IL1RAPL1: variants seen among roughly 807,000 people sequenced by gnomAD.
IL1RAPL1 encodes interleukin 1 receptor accessory protein like 1, also known as interleukin-1 receptor accessory protein-like 1.
IL1RAPL1 carries 3 observed loss-of-function variants against 48.4 expected under a neutral mutation model. That is an observed-to-expected ratio of 0.06 (90% CI 0.03 to 0.16). The LOEUF (loss-of-function observed/expected upper bound fraction) is 0.16, where lower values mean the gene tolerates loss of function less well. Among genes scored for constraint, IL1RAPL1 ranks in the 10% least tolerant of loss-of-function variants. IL1RAPL1 has a pLI of 1.00. For missense variants in IL1RAPL1, 349 were observed against 530.6 expected (o/e 0.66, Z 3.36); for synonymous variants, 185 against 187.7 (o/e 0.99, Z 0.12).
chrX:28,974,754 C>T (rs1376251141), intron 2 of IL1RAPL1, among the ~76,000 whole-genome samples: 1 of 111,565 alleles, frequency 9.0e-6, no homozygotes, highest in Non-Finnish European at 1.9e-5. Flanking sequence ...TCCTGGAACT[C>T]CCAGGTGTCC....
At chrX:29,643,666 G>A (rs970895503) in intron 5 of IL1RAPL1, among the ~76,000 whole-genome samples, 2 of 111,279 alleles carry the variant, frequency 1.8e-5, no homozygotes, top group African/African-American at 3.3e-5. Context: ...CTATTTGATC[G>A]TATTTCTCAA....
chrX:29,091,653 T>G (rs1239239151), intron 2 of IL1RAPL1, among the ~76,000 whole-genome samples: 1 of 111,309 alleles, frequency 9.0e-6, no homozygotes, highest in East Asian at 2.8e-4. Context: ...AATGAGAGTA[T>G]AGATTTAAAA....
intron 2 of IL1RAPL1, among the ~76,000 whole-genome samples, chrX:29,049,730 T>C (rs1483667863): frequency 8.9e-6 from 1 of 112,559 alleles, no homozygotes; most frequent in East Asian, 2.8e-4. Context: ...TTAATTAAAC[T>C]GATTAACTTT....
intron 2 of IL1RAPL1, among the ~76,000 whole-genome samples, chrX:29,094,824 C>A (rs867693047): frequency 3.6e-4 from 8 of 22,429 alleles, no homozygotes; most frequent in Admixed American, 1.3e-3. Context: ...TAATAGAAAA[C>A]ACACCTAAAA....
At chrX:29,923,494 T>C (rs756473999) in intron 8 of IL1RAPL1, among the ~76,000 whole-genome samples, 1 of 112,665 alleles carries the variant, frequency 8.9e-6, no homozygotes, top group African/African-American at 3.2e-5. Context: ...TCTTCACTCC[T>C]GCCAGAAGCT....
At chrX:28,994,081 T>C (rs5985940) in intron 2 of IL1RAPL1, among the ~76,000 whole-genome samples, 16,044 of 109,749 alleles carry the variant, frequency 0.15, 1,208 homozygotes, top group Non-Finnish European at 0.22. Flanking sequence ...AAAAAAAAAG[T>C]ATGATATGTG....
chrX:29,390,424 C>A (rs1933839354), intron 3 of IL1RAPL1, among the ~76,000 whole-genome samples: 2 of 111,918 alleles, frequency 1.8e-5, no homozygotes, highest in African/African-American at 3.2e-5. Flanking sequence ...AACACAGAGG[C>A]ATAGAACAAC....
At chrX:28,764,375 A>G (rs887031930) in intron 1 of IL1RAPL1, among the ~76,000 whole-genome samples, 6 of 111,417 alleles carry the variant, frequency 5.4e-5, no homozygotes, top group African/African-American at 2.0e-4. Flanking sequence ...TAAGAAATAC[A>G]CCAGCATCTT....
intron 2 of IL1RAPL1, among the ~76,000 whole-genome samples, chrX:29,159,621 A>G (rs927916316): frequency 3.6e-5 from 4 of 112,357 alleles, no homozygotes; most frequent in Non-Finnish European, 7.5e-5. Context: ...TAGCACATCA[A>G]TTGGATAGCC....
At chrX:28,615,079 G>A (rs1043502033) in intron 1 of IL1RAPL1, among the ~76,000 whole-genome samples, 2 of 109,074 alleles carry the variant, frequency 1.8e-5, no homozygotes, top group Non-Finnish European at 3.8e-5. Flanking sequence ...TAGTAGAGAC[G>A]GGGTTTCACT....
chrX:29,518,844 A>G (rs1935474731), intron 5 of IL1RAPL1, among the ~76,000 whole-genome samples: 1 of 112,245 alleles, frequency 8.9e-6, no homozygotes, highest in Non-Finnish European at 1.9e-5. Flanking sequence ...ACTGCTGTAT[A>G]GAAAATAGAC....
Position 28,659,144 on chromosome X carries a change from A to G in IL1RAPL1, c.-25+71097A>G, listed in dbSNP as rs1303841564. The G allele has an allele frequency of 1.4e-5, 9 of 661,052 alleles. No individual in the cohort carries two copies. In the East Asian group the frequency reaches 2.9e-4, roughly 21 times the overall value. 54.5% of individuals were successfully genotyped at this position (661,052 alleles called of 1,213,427 possible). A position where few individuals can be genotyped will look rare whatever the true frequency, so the allele number is the denominator to read the frequency against. On this transcript the variant is annotated intron_variant, in intron 1 of 10. Coordinates refer to ENST00000378993, the MANE Select transcript of IL1RAPL1 (RefSeq NM_014271.4). ...TACACGTTTGGCATGGATAGCACAC[A>G]GGTTGGTGTCTTCAAAAAGGCCAAC...
At chrX:29,903,152 T>G (rs1194479930) in intron 6 of IL1RAPL1, among the ~76,000 whole-genome samples, 1 of 97,696 alleles carries the variant, frequency 1.0e-5, no homozygotes, top group Non-Finnish European at 2.1e-5. Flanking sequence ...CGAACTTCAT[T>G]TGTCTCCGTG....
At chrX:28,970,392 G>C (rs1193463326) in intron 2 of IL1RAPL1, among the ~76,000 whole-genome samples, 2 of 111,772 alleles carry the variant, frequency 1.8e-5, no homozygotes, top group Admixed American at 9.5e-5. Context: ...GAACAAAATG[G>C]GTACACAAAG....
chrX:29,221,588 A>C lies in IL1RAPL1; in HGVS notation c.83-61350A>C, dbSNP rs914099097. ...ATCATATACTGCATATGTTACCGTCATTATGCCAAAGGAGCAATGTATACA... is the reference window on the plus strand; with the variant it reads ...ATCATATACTGCATATGTTACCGTCCTTATGCCAAAGGAGCAATGTATACA... On this transcript the variant is annotated intron_variant, in intron 2 of 10. Coordinates refer to ENST00000378993, the MANE Select transcript of IL1RAPL1 (RefSeq NM_014271.4). Among the ~76,000 whole-genome samples the C allele has an allele frequency of 2.6e-4, 27 of 104,285 alleles. No individual in the cohort carries two copies. In the Admixed American group the frequency reaches 2.8e-3, roughly 11 times the overall value. The allele number at this position is 104,285 out of a possible 115,157, so 90.6% of individuals were successfully genotyped here. A position where few individuals can be genotyped will look rare whatever the true frequency, so the allele number is the denominator to read the frequency against.
intron 5 of IL1RAPL1, among the ~76,000 whole-genome samples, chrX:29,606,928 G>C (rs1431677204): frequency 9.0e-6 from 1 of 111,601 alleles, no homozygotes; most frequent in Non-Finnish European, 1.9e-5. Flanking sequence ...CCTATAAGGG[G>C]TAGTATTTTT....
chrX:29,606,397 C>T (rs1470100845), intron 5 of IL1RAPL1, among the ~76,000 whole-genome samples: 11 of 111,826 alleles, frequency 9.8e-5, no homozygotes, highest in African/African-American at 3.2e-4. Context: ...AATTTAGAAA[C>T]AATAAGGAAA....
Position 29,538,641 on chromosome X carries a change from G to GT in IL1RAPL1, c.704-129775dup, listed in dbSNP as rs11313428. 1.2e-3 allele frequency among the ~76,000 whole-genome samples: 123 copies of GT among 98,600 alleles called. 1 individual carries two copies. Among genetic ancestry groups the GT allele is most frequent in the East Asian group, 7.4e-3 (23 of 3,128 alleles). 85.6% of individuals were successfully genotyped at this position (98,600 alleles called of 115,157 possible). A position where few individuals can be genotyped will look rare whatever the true frequency, so the allele number is the denominator to read the frequency against. ...GGATAAGCCACTGCTCCTGGCCAAG[G>GT]TTTTTTTTTTTTTTAAAGCAATTTA... On this transcript the variant is annotated intron_variant, in intron 5 of 10. Coordinates refer to ENST00000378993, the MANE Select transcript of IL1RAPL1 (RefSeq NM_014271.4).
chrX:29,649,362 A>G (rs1347530236), intron 5 of IL1RAPL1, among the ~76,000 whole-genome samples: 1 of 111,905 alleles, frequency 8.9e-6, no homozygotes, highest in Non-Finnish European at 1.9e-5. Flanking sequence ...AAATAGGAGA[A>G]AACCAAATTC....
Sources: gnomAD v4.1 joint callset for allele counts (sites outside exome capture counted in the v4.1 genomes callset) on GRCh38, gnomAD v4.1.1 for gene constraint, MANE v1.5 for transcripts, NCBI Gene and HGNC (gene_info 2026-07-23, HGNC 2026-07-21) for gene names.